The following DSP variants were observed in gnomAD, a reference collection of about 807,000 sequenced individuals.
The protein encoded by DSP is desmoplakin.
A neutral mutation model predicts 290.6 loss-of-function variants in DSP; 114 were observed. The observed-to-expected ratio is 0.39, with a 90% CI of 0.34 to 0.46. The LOEUF is 0.46. DSP is among the 20% of genes least tolerant of loss of function. The pLI, the probability that DSP is intolerant of heterozygous loss-of-function variation, is 0.99. For synonymous variants in DSP, 1,311 were observed against 1,316.4 expected, an observed-to-expected ratio of 1.00 and a Z score of 0.09; for missense variants, 3,230 against 3,495.8, an observed-to-expected ratio of 0.92 and a Z score of 1.92.
At position 7,547,421 on chromosome 6, in the gene DSP, T is replaced by TTTTG. The variant is rs574938920; in HGVS notation, c.170+5356_170+5359dup. Among the ~76,000 whole-genome samples, 613 of 151,934 alleles carry TTTTG rather than the reference T, an allele frequency of 4.0e-3. 2 individuals are homozygous for TTTTG. Among genetic ancestry groups the TTTTG allele is most frequent in the Non-Finnish European group, 7.3e-3 (496 of 67,930 alleles). ...ATCAAAGGTTCTGCTTGGAATTACA[T>TTTTG]TTTGTTTGTTTGTTTGTTTGTTTTG... On this transcript the variant is annotated intron_variant, in intron 1 of 23. Transcript: ENST00000379802.
In DSP at chr6:7,565,281, G is replaced by A. The variant is rs1430826656; in HGVS notation, c.778-78G>A. 3 of 1,577,492 alleles carry A rather than the reference G, an allele frequency of 1.9e-6. No individual in the cohort carries two copies. The highest frequency in any genetic ancestry group is 1.7e-5 in the Admixed American group (1 of 59,906). On this transcript the variant is annotated intron_variant, in intron 6 of 23. Coordinates refer to ENST00000379802, the MANE Select transcript of DSP (RefSeq NM_004415.4). The surrounding 1 kb of genome is among the most constrained non-coding windows in gnomAD (Gnocchi z 4.2). ...GATTTTTTTTTTAAAGGGACCACAG[G>A]TTTAATCTTTAAACCTGCAGAGAAC... is the stretch of plus-strand genomic sequence containing the variant.
intron 22 of DSP, 27 bp downstream of exon 22, chr6:7,578,589 C>A (rs755734583): frequency 7.7e-6 from 12 of 1,551,904 alleles, no homozygotes; most frequent in Non-Finnish European, 8.0e-6. Context: ...TTTCTTGTAG[C>A]GTCAAAAAAG....
At chr6:7,566,568 C>G in intron 8 of DSP, 87 bp downstream of exon 8, 2 of 1,091,806 alleles carry the variant, frequency 1.8e-6, no homozygotes, top group Non-Finnish European at 1.3e-6. Flanking sequence ...TCTTATATGA[C>G]TTAAAGCCGT....
intron 1 of DSP, among the ~76,000 whole-genome samples, chr6:7,547,061 G>A (rs1289499566): frequency 6.6e-6 from 1 of 152,126 alleles, no homozygotes. Flanking sequence ...AGACCAGGAG[G>A]TTCTAGAAGG....
Position 7,583,150 on chromosome 6 carries a change from C to T in DSP, c.5888C>T (p.Thr1963Ile), listed in dbSNP as rs1285752110. The T allele has an allele frequency of 6.2e-7, 1 of 1,614,030 alleles. No homozygotes were observed. The highest frequency in any genetic ancestry group is 8.5e-7 in the Non-Finnish European group (1 of 1,180,016). ...TQTECEWTVDTSKLVFDGLRK... is the reference protein window; with the variant it reads ...TQTECEWTVDISKLVFDGLRK... ...ACTGAGTGTGAGTGGACCGTTGACA[C>T]CTCCAAGCTGGTGTTTGATGGGCTG... Residue 1963 changes from threonine (T) to isoleucine (I), a missense_variant, in exon 24 of 24, where the codon ACC becomes ATC. Physicochemically the swap from Thr to Ile is moderately conservative, Grantham distance 89. This residue lies in a region of DSP where 1,714 missense variants were observed against 1,844.5 expected (regional missense o/e 0.93). Coordinates refer to ENST00000379802, the MANE Select transcript of DSP (RefSeq NM_004415.4). This position sits in a 1 kb window ranked among gnomAD's most constrained non-coding sequence, Gnocchi z 4.0.
Position 7,581,113 on chromosome 6 carries a change from T to C in DSP, c.4923T>C (p.Asp1641=), listed in dbSNP as rs1222691516. 1 of 1,614,070 alleles carries C rather than the reference T, an allele frequency of 6.2e-7. No homozygotes were observed. Among genetic ancestry groups the C allele is most frequent in the Admixed American group, 1.7e-5 (1 of 60,024 alleles). The change falls in exon 23 of 24, where the codon GAT becomes GAC. Residue 1641 remains aspartate (D), a synonymous_variant. Transcript: ENST00000379802. ...DDLRQQRDVL[D]GHLREKQRTQ... ...TCCGGCAGCAGAGGGACGTGCTGGA[T>C]GGCCACCTGAGGGAAAAGCAGAGGA...
In DSP at chr6:7,566,485, G is replaced by A; in HGVS notation, c.1044+4G>A. On this transcript the variant is annotated splice_donor_region_variant and intron_variant, in intron 8 of 23. Coordinates refer to ENST00000379802, the MANE Select transcript of DSP (RefSeq NM_004415.4). ...TCCAGCTTCAGACAAAATTGAGGTA[G>A]GCTTCATGAGGTTTATATTTTTGTT... The A allele has an allele frequency of 1.9e-6, 3 of 1,611,142 alleles. No individual in the cohort carries two copies. Among genetic ancestry groups the A allele is most frequent in the Non-Finnish European group, 2.5e-6 (3 of 1,177,812 alleles).
rs1759365604 is a variant in DSP at position 7,579,913 on chromosome 6, A to G, written c.3723A>G (p.Arg1241=). 6.2e-7 allele frequency: 1 copy of G among 1,614,022 alleles called. No individual in the cohort carries two copies. Among genetic ancestry groups the G allele is most frequent in the African/African-American group, 1.3e-5 (1 of 74,934 alleles). ...DSKNLRNQLD[R]LSRENRDLKD... is the part of the protein sequence containing the mutation. The stretch of plus-strand genomic sequence containing the variant: ...AAAATCTTAGAAACCAGCTTGATAG[A>G]CTTTCAAGGGAAAATCGAGATCTGA... Residue 1241 remains arginine (R), a synonymous_variant, in exon 23 of 24, where the codon AGA becomes AGG. Transcript: ENST00000379802. The surrounding 1 kb of genome is among the most constrained non-coding windows in gnomAD (Gnocchi z 4.1).
At position 7,569,169 on chromosome 6, in the gene DSP, G is replaced by A; in HGVS notation, c.1420-17G>A. On this transcript the variant is annotated splice_polypyrimidine_tract_variant and intron_variant, in intron 11 of 23. Coordinates refer to ENST00000379802, the MANE Select transcript of DSP (RefSeq NM_004415.4). ...ACTTATGAATAAAGCCAAACCCTGG[G>A]GTTGCTTGCCTTACAGAAAATCGTG... 1 of 1,614,134 alleles carries A rather than the reference G, an allele frequency of 6.2e-7. No individual in the cohort carries two copies. The highest frequency in any genetic ancestry group is 8.5e-7 in the Non-Finnish European group (1 of 1,180,030).
In DSP at chr6:7,585,278, G is replaced by T; in HGVS notation, c.8016G>T (p.Gln2672His). The change falls in exon 24 of 24, where the codon CAG (glutamine) becomes CAT (histidine). Residue 2672 changes from glutamine to histidine, a missense_variant. Gln to His is a conservative substitution (Grantham distance 24). Coordinates refer to ENST00000379802, the MANE Select transcript of DSP (RefSeq NM_004415.4). Reference protein sequence around the residue: ...HPTTGQKLSLQDAVSQGVIDQ... With the variant: ...HPTTGQKLSLHDAVSQGVIDQ... ...CCACGGGCCAGAAGCTGTCACTTCA[G>T]GACGCAGTCTCCCAGGGTGTGATTG... The T allele has an allele frequency of 6.2e-7, 1 of 1,614,164 alleles. No homozygotes were observed. The highest frequency in any genetic ancestry group is 1.7e-5 in the Admixed American group (1 of 60,032).
At position 7,579,952 on chromosome 6, in the gene DSP, C is replaced by G. The variant is rs2113692582; in HGVS notation, c.3762C>G (p.Val1254=). The G allele has an allele frequency of 3.1e-6, 5 of 1,614,144 alleles. No homozygotes were observed. Among genetic ancestry groups the G allele is most frequent in the African/African-American group, 2.7e-5 (2 of 75,042 alleles). ...RENRDLKDEI[V]RLNDSILQAT... is the part of the protein sequence containing the mutation. ...ATCGAGATCTGAAGGATGAAATTGT[C>G]AGGCTCAATGACAGCATCTTGCAGG... The change falls in exon 23 of 24, where the codon GTC becomes GTG. Residue 1254 remains valine (V), a synonymous_variant. Transcript: ENST00000379802. The surrounding 1 kb of genome is among the most constrained non-coding windows in gnomAD (Gnocchi z 4.1).
In DSP at chr6:7,566,434, A is replaced by G. The variant is rs773685575; in HGVS notation, c.997A>G (p.Ser333Gly). 6 of 1,613,982 alleles carry G rather than the reference A, an allele frequency of 3.7e-6. No individual in the cohort carries two copies. The African/African-American group carries it at 6.7e-5, about 18-fold the overall frequency. Residue 333 changes from serine to glycine, a missense_variant, in exon 8 of 24, where the codon AGT becomes GGT. This residue lies in a region of DSP where 646 missense variants were observed against 684.3 expected (regional missense o/e 0.94). Coordinates refer to ENST00000379802, the MANE Select transcript of DSP (RefSeq NM_004415.4). ...EKELNKLKQE[S>G]DQLVLNQHPA... is the part of the protein sequence containing the mutation. ...AGAGCTCAATAAGCTGAAACAAGAA[A>G]GTGACCAACTTGTCCTCAATCAGCA...
Position 7,582,501 on chromosome 6 carries a change from A to G in DSP, c.5380-141A>G. 1 of 774,900 alleles carries G rather than the reference A, an allele frequency of 1.3e-6. No individual in the cohort carries two copies. The highest frequency in any genetic ancestry group is 2.1e-6 in the Non-Finnish European group (1 of 479,238). 48.0% of individuals were successfully genotyped at this position (774,900 alleles called of 1,614,324 possible). Reference sequence around the variant, plus strand: ...TTGTAAAATAACAAGCTCACAGTGTATCCAGGGACAATATAGAAAGAAAAA... The same window carrying G: ...TTGTAAAATAACAAGCTCACAGTGTGTCCAGGGACAATATAGAAAGAAAAA... On this transcript the variant is annotated intron_variant, in intron 23 of 23. Coordinates refer to ENST00000379802, the MANE Select transcript of DSP (RefSeq NM_004415.4). This position sits in a 1 kb window ranked among gnomAD's most constrained non-coding sequence, Gnocchi z 4.2.
In DSP at chr6:7,577,763, C is replaced by T; in HGVS notation, c.2878-16C>T. ...GTCTATGAAGGACACTTTTCTTAAACTTCATTATGCTGCAGGATTATGAGC... is the reference window on the plus strand; with the variant it reads ...GTCTATGAAGGACACTTTTCTTAAATTTCATTATGCTGCAGGATTATGAGC... On this transcript the variant is annotated splice_polypyrimidine_tract_variant and intron_variant, in intron 20 of 23. Coordinates refer to ENST00000379802, the MANE Select transcript of DSP (RefSeq NM_004415.4). The T allele has an allele frequency of 6.2e-7, 1 of 1,605,624 alleles. No homozygotes were observed. Among genetic ancestry groups the T allele is most frequent in the Non-Finnish European group, 8.5e-7 (1 of 1,172,468 alleles).
chr6:7,571,994 A>G lies in DSP; in HGVS notation c.2056A>G (p.Met686Val). 1.2e-6 allele frequency: 2 copies of G among 1,614,194 alleles called. No homozygotes were observed. Among genetic ancestry groups the G allele is most frequent in the Non-Finnish European group, 1.7e-6 (2 of 1,180,036 alleles). ...RRQIEHCEGR[M>V]TLKNLPLADQ... Reference sequence around the variant, plus strand: ...GCAGATAGAGCACTGCGAGGGCAGGATGACTCTCAAAAACCTCCCTCTAGC... The same window carrying G: ...GCAGATAGAGCACTGCGAGGGCAGGGTGACTCTCAAAAACCTCCCTCTAGC... The change falls in exon 15 of 24, where the codon ATG becomes GTG. Residue 686 changes from methionine to valine, a missense_variant. Met to Val is a conservative substitution (Grantham distance 21). Around this residue, in one of 5 missense-constraint regions of DSP, gnomAD observed 1,714 missense variants for 1,844.5 expected, o/e 0.93. Coordinates refer to ENST00000379802, the MANE Select transcript of DSP (RefSeq NM_004415.4).
rs1758912999 is a variant in DSP, at chr6:7,567,880, C to G, written c.1240C>G (p.Leu414Val). 6.2e-7 allele frequency: 1 copy of G among 1,614,022 alleles called. No homozygotes were observed. ...CGACAAGAACATGCCCCTGCAGCACCTGCTGGAACAGATCAAGGAGCTGGA... is the reference window on the plus strand; with the variant it reads ...CGACAAGAACATGCCCCTGCAGCACGTGCTGGAACAGATCAAGGAGCTGGA... ...PCDKNMPLQH[L>V]LEQIKELEKE... Residue 414 changes from leucine (L) to valine (V), a missense_variant, in exon 10 of 24, where the codon CTG (leucine) becomes GTG (valine). Around this residue, in one of 5 missense-constraint regions of DSP, gnomAD observed 646 missense variants for 684.3 expected, o/e 0.94. Coordinates refer to ENST00000379802, the MANE Select transcript of DSP (RefSeq NM_004415.4).
chr6:7,547,565 A>AC (rs1758202241), intron 1 of DSP, among the ~76,000 whole-genome samples: 1 of 151,474 alleles, frequency 6.6e-6, no homozygotes, highest in Admixed American at 6.6e-5. Context: ...GTAGCTTGGG[A>AC]CCACAGGCGT....
In DSP at chr6:7,576,307, G is replaced by A. The variant is rs730880081; in HGVS notation, c.2644G>A (p.Glu882Lys). The part of the protein sequence containing the change: ...KQIDFRLWDL[E>K]KQIKQLRNYR... ...ATTTCCCCCCAGGTTATGGGACCTG[G>A]AGAAACAAATCAAGCAATTGAGGAA... Residue 882 changes from glutamate (E) to lysine (K), a missense_variant, in exon 19 of 24, where the codon GAG becomes AAG. This residue lies in a region of DSP where 1,714 missense variants were observed against 1,844.5 expected (regional missense o/e 0.93). Coordinates refer to ENST00000379802, the MANE Select transcript of DSP (RefSeq NM_004415.4). The A allele has an allele frequency of 2.0e-5, 32 of 1,613,884 alleles. No individual in the cohort carries two copies. Among genetic ancestry groups the A allele is most frequent in the Non-Finnish European group, 2.6e-5 (31 of 1,179,964 alleles).
chr6:7,572,834 T>G (rs140193364), intron 15 of DSP, among the ~76,000 whole-genome samples: 40 of 152,358 alleles, frequency 2.6e-4, no homozygotes, highest in African/African-American at 9.1e-4. Flanking sequence ...CTAGATGGTA[T>G]AGCCTACTAT....
Sources: allele counts gnomAD v4.1 joint callset (sites outside exome capture counted in the v4.1 genomes callset), GRCh38; gene constraint gnomAD v4.1.1; regional missense constraint gnomAD v4.1.1; non-coding constraint Gnocchi (gnomAD v3.1); transcripts MANE v1.5; gene names NCBI Gene and HGNC (gene_info 2026-07-23, HGNC 2026-07-21).